The following SLC12A8 variants were observed in gnomAD, a reference collection of about 807,000 sequenced individuals.
SLC12A8 encodes the protein solute carrier family 12 member 8.
SLC12A8 carries 69 observed loss-of-function variants against 75.6 expected under a neutral mutation model. The observed-to-expected ratio is 0.91, with a 90% CI of 0.75 to 1.11. SLC12A8 has a LOEUF of 1.11. Ranked by LOEUF, SLC12A8 falls within the 50% of genes most tolerant of loss-of-function variation. The pLI is 0.00. For missense variants in SLC12A8, 877 were observed against 896.7 expected (o/e 0.98, Z 0.28); for synonymous variants, 365 against 372.8 (o/e 0.98, Z 0.24).
Position 125,091,568 on chromosome 3 carries a change from G to T in SLC12A8, c.1804-12C>A. ...AGGGACCCAACAGCCTGTGAAAACA[G>T]AGTAGGAAGAGCAAATCACCTAATG... On this transcript the variant is annotated splice_polypyrimidine_tract_variant and intron_variant, in intron 11 of 13. Coordinates refer to ENST00000469902, the MANE Select transcript of SLC12A8 (RefSeq NM_024628.6). 1 of 1,578,156 alleles carries T rather than the reference G, an allele frequency of 6.3e-7. No homozygotes were observed. Among genetic ancestry groups the T allele is most frequent in the Non-Finnish European group, 8.7e-7 (1 of 1,147,346 alleles).
At chr3:125,182,874 C>T (rs1439618341) in intron 4 of SLC12A8, among the ~76,000 whole-genome samples, 6 of 152,058 alleles carry the variant, frequency 3.9e-5, no homozygotes, top group Non-Finnish European at 2.9e-5. Flanking sequence ...TGTGTATAAG[C>T]CGAGGGAAAT....
chr3:125,089,878 A>T (rs1222918992), intron 12 of SLC12A8, among the ~76,000 whole-genome samples: 1 of 151,056 alleles, frequency 6.6e-6, no homozygotes, highest in Non-Finnish European at 1.5e-5. Flanking sequence ...TTTCTAACGT[A>T]AGCATTTGAT....
intron 4 of SLC12A8, among the ~76,000 whole-genome samples, chr3:125,183,123 C>G (rs983706828): frequency 6.6e-6 from 1 of 152,154 alleles, no homozygotes; most frequent in African/African-American, 2.4e-5. Flanking sequence ...TCAAGGCCTT[C>G]GTCCACACAC....
At chr3:125,085,614 A>G (rs1007245234) in intron 13 of SLC12A8, among the ~76,000 whole-genome samples, 1 of 152,144 alleles carries the variant, frequency 6.6e-6, no homozygotes, top group African/African-American at 2.4e-5. Flanking sequence ...GTCTCATTCT[A>G]TTGCCCAGGC....
chr3:125,088,475 C>G lies in SLC12A8; in HGVS notation c.1922-105G>C, dbSNP rs990004719. On this transcript the variant is annotated intron_variant, in intron 12 of 13. Transcript: ENST00000469902. ...GCAAACCCCAATACACACACACGCACAGAATTAACACAAATGTTTTCCTTT... is the reference window on the plus strand; with the variant it reads ...GCAAACCCCAATACACACACACGCAGAGAATTAACACAAATGTTTTCCTTT... 18 of 843,266 alleles carry G rather than the reference C, an allele frequency of 2.1e-5. No homozygotes were observed. The African/African-American group carries it at 3.0e-4, about 14-fold the overall frequency. 52.2% of individuals were successfully genotyped at this position (843,266 alleles called of 1,614,324 possible).
At chr3:125,158,173 CTG>C (rs1173004533) in intron 5 of SLC12A8, among the ~76,000 whole-genome samples, 1 of 151,984 alleles carries the variant, frequency 6.6e-6, no homozygotes, top group East Asian at 1.9e-4. Context: ...GGCCATTTCT[CTG>C]CTTATATTTG....
chr3:125,108,340 C>CACAGATAT (rs1396012826), intron 9 of SLC12A8, among the ~76,000 whole-genome samples: 1 of 152,100 alleles, frequency 6.6e-6, no homozygotes, highest in Non-Finnish European at 1.5e-5. Context: ...CAGTAAGCTC[C>CACAGATAT]ACAGATATTA....
chr3:125,180,945 G>A (rs973180541), intron 4 of SLC12A8, among the ~76,000 whole-genome samples: 1 of 152,212 alleles, frequency 6.6e-6, no homozygotes, highest in Non-Finnish European at 1.5e-5. Context: ...TGTTTATGGA[G>A]AGTAGGAAAG....
At chr3:125,210,589 C>A (rs1935317447) in intron 2 of SLC12A8, among the ~76,000 whole-genome samples, 1 of 152,190 alleles carries the variant, frequency 6.6e-6, no homozygotes, top group Admixed American at 6.5e-5. Flanking sequence ...TTGATTCTCT[C>A]CCCTCTGATG....
At chr3:125,123,088 C>T (rs750416980) in intron 6 of SLC12A8, among the ~76,000 whole-genome samples, 37 of 152,132 alleles carry the variant, frequency 2.4e-4, no homozygotes, top group Non-Finnish European at 4.9e-4. Flanking sequence ...AGAAGGATCA[C>T]TTGAGGCTGG....
intron 2 of SLC12A8, 96 bp downstream of exon 2, chr3:125,211,203 T>C: frequency 2.0e-6 from 2 of 1,012,796 alleles, no homozygotes; most frequent in Non-Finnish European, 3.1e-6. Context: ...TAATTACATC[T>C]AAAGGGTGCG....
At chr3:125,130,178 T>G (rs1323910766) in intron 6 of SLC12A8, among the ~76,000 whole-genome samples, 1 of 152,076 alleles carries the variant, frequency 6.6e-6, no homozygotes, top group Non-Finnish European at 1.5e-5. Context: ...TCACAGAAAA[T>G]AAATCTTGAC....
intron 8 of SLC12A8, among the ~76,000 whole-genome samples, chr3:125,115,844 T>C (rs1423630406): frequency 6.6e-6 from 1 of 151,974 alleles, no homozygotes; most frequent in Non-Finnish European, 1.5e-5. Context: ...GAAGAGGCCT[T>C]TTTTCAGGCC....
chr3:125,129,881 C>T (rs981501724), intron 6 of SLC12A8, among the ~76,000 whole-genome samples: 2 of 152,220 alleles, frequency 1.3e-5, no homozygotes, highest in African/African-American at 4.8e-5. Flanking sequence ...GAGACAGAGA[C>T]ACGGAGGGCA....
intron 5 of SLC12A8, among the ~76,000 whole-genome samples, chr3:125,173,702 A>G (rs503875): frequency 0.9 from 136,625 of 152,270 alleles, 61,797 homozygotes; most frequent in Non-Finnish European, 0.95. Flanking sequence ...ACACTGTTAA[A>G]AGAATGAAAG....
chr3:125,110,611 C>A, intron 8 of SLC12A8: 1 of 264,840 alleles, frequency 3.8e-6, no homozygotes. Context: ...ACTTCTGGGC[C>A]CCTCCTCAGA....
At chr3:125,212,182 G>T (rs1935349646) in intron 1 of SLC12A8, among the ~76,000 whole-genome samples, 2 of 152,090 alleles carry the variant, frequency 1.3e-5, no homozygotes, top group South Asian at 4.1e-4. Context: ...GCGCTGGCGA[G>T]GAGGGAAGGC....
intron 5 of SLC12A8, among the ~76,000 whole-genome samples, chr3:125,137,218 T>C (rs1005416077): frequency 2.0e-5 from 3 of 152,132 alleles, no homozygotes; most frequent in African/African-American, 7.2e-5. Flanking sequence ...CATAACTTCA[T>C]AAGAAAAATA....
chr3:125,157,768 A>G (rs1488957076), intron 5 of SLC12A8, among the ~76,000 whole-genome samples: 1 of 152,152 alleles, frequency 6.6e-6, no homozygotes, highest in Non-Finnish European at 1.5e-5. Flanking sequence ...ACATCTCAGA[A>G]ACCCCAAGGT....
Sources: gnomAD v4.1 joint callset for allele counts (sites outside exome capture counted in the v4.1 genomes callset) on GRCh38, gnomAD v4.1.1 for gene constraint, MANE v1.5 for transcripts, NCBI Gene and HGNC (gene_info 2026-07-23, HGNC 2026-07-21) for gene names.